The following NRXN3 variants were observed in gnomAD, a reference collection of about 807,000 sequenced individuals.
The protein encoded by NRXN3 is neurexin III.
NRXN3 carries 32 observed loss-of-function variants against 137.6 expected under a neutral mutation model. The observed-to-expected ratio is 0.23, with a 90% confidence interval of 0.18 to 0.31. The LOEUF is 0.31. Ranked by LOEUF, NRXN3 falls within the 10% of genes least tolerant of loss-of-function variation. The pLI, the probability that NRXN3 is intolerant of heterozygous loss-of-function variation, is 1.00. For missense variants in NRXN3, 1,574 were observed against 2,062.5 expected, an observed-to-expected ratio of 0.76 and a Z score of 4.59; for synonymous variants, 798 against 784.5, an observed-to-expected ratio of 1.02 and a Z score of -0.29.
chr14:78,921,148 A>C (rs1280409160), intron 10 of NRXN3, among the ~76,000 whole-genome samples: 2 of 152,148 alleles, frequency 1.3e-5, no homozygotes, highest in Non-Finnish European at 2.9e-5. Flanking sequence ...GAGTTATTTC[A>C]TTAGGGATCT....
intron 15 of NRXN3, among the ~76,000 whole-genome samples, chr14:79,433,637 T>G (rs1475921578): frequency 6.6e-6 from 1 of 152,180 alleles, no homozygotes; most frequent in African/African-American, 2.4e-5. Flanking sequence ...CGATATCTAA[T>G]AGATGTTAAA....
At chr14:78,956,808 C>G (rs2099397653) in intron 10 of NRXN3, among the ~76,000 whole-genome samples, 1 of 152,194 alleles carries the variant, frequency 6.6e-6, no homozygotes, top group Non-Finnish European at 1.5e-5. Context: ...GGTGGATACT[C>G]TCTAAAAGCC....
At chr14:79,216,464 A>G (rs7160828) in intron 15 of NRXN3, among the ~76,000 whole-genome samples, 2,798 of 152,310 alleles carry the variant, frequency 0.018, 73 homozygotes, top group African/African-American at 0.064. Flanking sequence ...AGGAGAGTCA[A>G]GGTCACATTG....
In NRXN3 at chr14:79,863,011, T is replaced by C. The variant is rs1267389770; in HGVS notation, c.*1047T>C. On this transcript the variant is annotated 3_prime_UTR_variant, in exon 21 of 21. Transcript: ENST00000335750. The stretch of plus-strand genomic sequence containing the variant: ...TGGATCTGTGACTGATTGAAATGCA[T>C]GCAAATAAAAAAGACAATATTAAAG... 1 of 152,536 alleles carries C rather than the reference T, an allele frequency of 6.6e-6. No individual in the cohort carries two copies. The highest frequency in any genetic ancestry group is 2.4e-5 in the African/African-American group (1 of 41,414). 9.4% of individuals were successfully genotyped at this position (152,536 alleles called of 1,614,324 possible). A position where few individuals can be genotyped will look rare whatever the true frequency, so the allele number is the denominator to read the frequency against.
chr14:78,919,610 C>A (rs928941541), intron 10 of NRXN3, among the ~76,000 whole-genome samples: 1 of 152,136 alleles, frequency 6.6e-6, no homozygotes, highest in African/African-American at 2.4e-5. Flanking sequence ...TTAGAGTTTA[C>A]TACTTCTACA....
intron 19 of NRXN3, among the ~76,000 whole-genome samples, chr14:79,802,982 C>T (rs537483790): frequency 2.0e-5 from 3 of 152,164 alleles, no homozygotes; most frequent in South Asian, 2.1e-4. Flanking sequence ...AAACCACCAT[C>T]GCACCCATTT....
rs548187192 is a variant in NRXN3 at position 79,387,686 on chromosome 14, A to G, written c.3263-79535A>G. ...TTATTGCAGCACTATTCACAAGAGC[A>G]AAGACTTGGAACCAAGCCAAATGTC... On this transcript the variant is annotated intron_variant, in intron 15 of 20. Transcript: ENST00000335750. Among the ~76,000 whole-genome samples, 3 of 152,150 alleles carry G rather than the reference A, an allele frequency of 2.0e-5. No homozygotes were observed. In the East Asian group the frequency reaches 5.8e-4, roughly 29 times the overall value.
In NRXN3 at chr14:78,919,995, C is replaced by T. The variant is rs559895252; in HGVS notation, c.2276-37247C>T. 2.6e-5 allele frequency among the ~76,000 whole-genome samples: 4 copies of T among 152,308 alleles called. No homozygotes were observed. The East Asian group carries it at 5.8e-4, about 22-fold the overall frequency. On this transcript the variant is annotated intron_variant, in intron 10 of 20. Coordinates refer to ENST00000335750, the MANE Select transcript of NRXN3 (RefSeq NM_001330195.2). ...CAATTATTTGTAGCATAGCATTCTA[C>T]ACTAAAAAGATGAAATAAAGAAGTT... is the stretch of plus-strand genomic sequence containing the variant.
At chr14:79,519,425 ATGAAT>A (rs2097035232) in intron 16 of NRXN3, among the ~76,000 whole-genome samples, 1 of 152,002 alleles carries the variant, frequency 6.6e-6, no homozygotes, top group Admixed American at 6.6e-5. Flanking sequence ...TTTTCCCTAT[ATGAAT>A]TGGCCCTTTA....
intron 19 of NRXN3, among the ~76,000 whole-genome samples, chr14:79,701,564 TGTGTTTATAGAGG>T (rs2098754705): frequency 6.6e-6 from 1 of 152,080 alleles, no homozygotes; most frequent in African/African-American, 2.4e-5. Context: ...GCAGATGGGC[TGTGTTTATAGAGG>T]CTCAGGGCTT....
At chr14:78,448,867 C>T (rs1454535467) in intron 4 of NRXN3, among the ~76,000 whole-genome samples, 5 of 152,082 alleles carry the variant, frequency 3.3e-5, no homozygotes, top group African/African-American at 7.2e-5. Flanking sequence ...CTGAAGAGTG[C>T]CTTCCATTGG....
At chr14:78,842,796 A>T (rs1393299626) in intron 10 of NRXN3, among the ~76,000 whole-genome samples, 1 of 152,072 alleles carries the variant, frequency 6.6e-6, no homozygotes, top group Non-Finnish European at 1.5e-5. Flanking sequence ...GCTTGCTGAG[A>T]AAAACAATTC....
At chr14:78,649,680 T>C (rs2097721543) in intron 5 of NRXN3, among the ~76,000 whole-genome samples, 1 of 151,988 alleles carries the variant, frequency 6.6e-6, no homozygotes, top group African/African-American at 2.4e-5. Flanking sequence ...AGAACTTCCT[T>C]CTTTCTGTGC....
At chr14:79,237,637 T>C (rs1310051879) in intron 15 of NRXN3, among the ~76,000 whole-genome samples, 1 of 152,116 alleles carries the variant, frequency 6.6e-6, no homozygotes, top group Non-Finnish European at 1.5e-5. Flanking sequence ...TTTTCATATA[T>C]CTTTATTGAA....
chr14:78,908,768 C>T (rs935621408), intron 10 of NRXN3, among the ~76,000 whole-genome samples: 2 of 151,998 alleles, frequency 1.3e-5, no homozygotes, highest in African/African-American at 4.8e-5. Context: ...CAAGAACAAA[C>T]ATCAAATTTA....
At chr14:79,261,626 T>TGTGC in intron 15 of NRXN3, among the ~76,000 whole-genome samples, 1 of 112,572 alleles carries the variant, frequency 8.9e-6, no homozygotes, top group South Asian at 3.5e-4. Flanking sequence ...TGTGTGTGTG[T>TGTGC]GTGTGTGTGT....
intron 4 of NRXN3, among the ~76,000 whole-genome samples, chr14:78,470,556 A>C (rs759550450): frequency 2.0e-5 from 3 of 152,094 alleles, no homozygotes; most frequent in African/African-American, 7.2e-5. Context: ...TCAGTCTTGT[A>C]TATCAGTGGG....
chr14:79,184,499 A>G (rs2063290300), intron 15 of NRXN3, among the ~76,000 whole-genome samples: 1 of 152,210 alleles, frequency 6.6e-6, no homozygotes, highest in African/African-American at 2.4e-5. Context: ...TATAGGATGC[A>G]TGGATATTCT....
chr14:78,965,988 A>T, intron 11 of NRXN3, 37 bp from the exon 12 acceptor site: 2 of 1,591,388 alleles, frequency 1.3e-6, no homozygotes, highest in Non-Finnish European at 1.7e-6. Flanking sequence ...AAATGATGGT[A>T]ACTTTTCTGT....
Sources: gnomAD v4.1 joint callset for allele counts (sites outside exome capture counted in the v4.1 genomes callset) on GRCh38, gnomAD v4.1.1 for gene constraint, MANE v1.5 for transcripts, NCBI Gene and HGNC (gene_info 2026-07-23, HGNC 2026-07-21) for gene names.